The following ZNF429 variants were observed in gnomAD, a reference collection of about 807,000 sequenced individuals.
The protein encoded by ZNF429 is zinc finger protein 429.
A neutral mutation model predicts 56.8 loss-of-function variants in ZNF429; 53 were observed. The observed-to-expected ratio is 0.93, with a 90% confidence interval of 0.75 to 1.17. The LOEUF (loss-of-function observed/expected upper bound fraction) is 1.17, where lower values mean the gene tolerates loss of function less well. ZNF429 is among the 50% of genes most tolerant of loss of function. ZNF429 has a pLI of 0.00. For synonymous variants in ZNF429, 278 were observed against 264.7 expected, an observed-to-expected ratio of 1.05 and a Z score of -0.49; for missense variants, 849 against 788.4, an observed-to-expected ratio of 1.08 and a Z score of -0.92.
chr19:21,535,500 TTTC>T, intron 3 of ZNF429, among the ~76,000 whole-genome samples: 22 of 122,606 alleles, frequency 1.8e-4, no homozygotes, highest in African/African-American at 5.2e-4. Flanking sequence ...TTCTTTCTTC[TTTC>T]TTTCTTTCTT....
intron 3 of ZNF429, among the ~76,000 whole-genome samples, chr19:21,531,197 T>G: frequency 1.3e-5 from 2 of 151,276 alleles, no homozygotes; most frequent in Admixed American, 1.3e-4. Context: ...ATATTCATTC[T>G]GTTGAAAAAT....
At chr19:21,527,512 G>T (rs62108331) in intron 1 of ZNF429, among the ~76,000 whole-genome samples, 24,739 of 152,040 alleles carry the variant, frequency 0.16, 2,102 homozygotes, top group Middle Eastern at 0.2. Context: ...GCACTAAAGG[G>T]TGGTTACAGG....
intron 1 of ZNF429, among the ~76,000 whole-genome samples, chr19:21,514,597 A>T (rs543756589): frequency 1.2e-4 from 18 of 151,298 alleles, no homozygotes; most frequent in African/African-American, 2.7e-4. Context: ...ACATATATAT[A>T]TTTTTTTATT....
At chr19:21,516,722 T>G (rs1047200581) in intron 1 of ZNF429, among the ~76,000 whole-genome samples, 4 of 152,176 alleles carry the variant, frequency 2.6e-5, no homozygotes, top group Non-Finnish European at 5.9e-5. Flanking sequence ...TGGAATTATG[T>G]TTTTGATTTG....
intron 1 of ZNF429, among the ~76,000 whole-genome samples, chr19:21,523,749 C>T (rs2033068553): frequency 6.6e-6 from 1 of 152,236 alleles, no homozygotes; most frequent in Non-Finnish European, 1.5e-5. Context: ...AATCCTCAAG[C>T]TTGGCCCAAA....
chr19:21,533,253 T>A, intron 3 of ZNF429, among the ~76,000 whole-genome samples: 3 of 151,800 alleles, frequency 2.0e-5, no homozygotes, highest in Non-Finnish European at 4.4e-5. Flanking sequence ...GTGCGTCTTT[T>A]TTGATGAAAA....
rs375006535 is a variant in ZNF429, at chr19:21,515,376, A to G, written c.3+9602A>G. 8.6e-5 allele frequency among the ~76,000 whole-genome samples: 13 copies of G among 151,968 alleles called. No homozygotes were observed. The East Asian group carries it at 1.6e-3, about 18-fold the overall frequency. ...AATACTCATCAAATGCTTGTTAGCCACATGTATATCTTCTTTAGAATGGCA... is the reference window on the plus strand; with the variant it reads ...AATACTCATCAAATGCTTGTTAGCCGCATGTATATCTTCTTTAGAATGGCA... On this transcript the variant is annotated intron_variant, in intron 1 of 3. Coordinates refer to ENST00000358491, the MANE Select transcript of ZNF429 (RefSeq NM_001001415.4).
chr19:21,533,148 T>C, intron 3 of ZNF429, among the ~76,000 whole-genome samples: 1 of 151,330 alleles, frequency 6.6e-6, no homozygotes. Flanking sequence ...TTTCCATTCT[T>C]AATGGATGTG....
At chr19:21,509,980 C>T (rs1045584944) in intron 1 of ZNF429, among the ~76,000 whole-genome samples, 2 of 151,586 alleles carry the variant, frequency 1.3e-5, no homozygotes, top group Non-Finnish European at 2.9e-5. Flanking sequence ...ACGATCTCTG[C>T]TTACTGCAAC....
chr19:21,515,571 T>G (rs2032700745), intron 1 of ZNF429, among the ~76,000 whole-genome samples: 2 of 151,974 alleles, frequency 1.3e-5, no homozygotes, highest in Admixed American at 6.6e-5. Context: ...GTGTGTGGTG[T>G]TTTTTGTTTT....
chr19:21,506,653 T>TA (rs968937221), intron 1 of ZNF429, among the ~76,000 whole-genome samples: 69 of 151,772 alleles, frequency 4.5e-4, no homozygotes, highest in African/African-American at 1.5e-3. Flanking sequence ...ATCTTCAGCT[T>TA]ACAAAATTTC....
At chr19:21,535,418 T>TC in intron 3 of ZNF429, among the ~76,000 whole-genome samples, 196 of 3,656 alleles carry the variant, frequency 0.054, 47 homozygotes, top group African/African-American at 0.21. Flanking sequence ...TTTCTTTTCT[T>TC]TCTTTCTTTC....
chr19:21,525,958 A>G (rs1223116083), intron 1 of ZNF429, among the ~76,000 whole-genome samples: 3 of 152,232 alleles, frequency 2.0e-5, no homozygotes, highest in Admixed American at 2.0e-4. Context: ...ATGAAATCAC[A>G]CAGTATGTTA....
rs537821409 is a variant in ZNF429, at chr19:21,536,520, C to A, written c.467C>A (p.Ala156Glu). ...GATATATATGTAAAAGTCTTTTATG[C>A]ATTTTCAAATGCAGATAGATACAAG... ...HCDIYVKVFY[A>E]FSNADRYKTR... is the part of the protein sequence containing the mutation. Residue 156 changes from alanine to glutamate, a missense_variant, in exon 4 of 4, where the codon GCA becomes GAA. Transcript: ENST00000358491. 4 of 1,612,398 alleles carry A rather than the reference C, an allele frequency of 2.5e-6. No individual in the cohort carries two copies. Among genetic ancestry groups the A allele is most frequent in the African/African-American group, 2.7e-5 (2 of 74,932 alleles).
At chr19:21,520,510 T>C (rs1207479137) in intron 1 of ZNF429, among the ~76,000 whole-genome samples, 1 of 152,190 alleles carries the variant, frequency 6.6e-6, no homozygotes, top group Non-Finnish European at 1.5e-5. Flanking sequence ...TTTTTTTGAC[T>C]CAAGGTTGTC....
intron 1 of ZNF429, chr19:21,507,535 G>A (rs1391437946): frequency 6.6e-6 from 1 of 152,192 alleles, no homozygotes; most frequent in East Asian, 1.9e-4. Context: ...GAGATTTTAT[G>A]AGAATGTTTT....
Position 21,537,163 on chromosome 19 carries a change from A to C in ZNF429, c.1110A>C (p.Lys370Asn), listed in dbSNP as rs753031122. ...KVIHTGEKPY[K>N]CEECGKAFNQ... is the part of the protein sequence containing the mutation. The stretch of plus-strand genomic sequence containing the variant: ...TTCATACTGGAGAGAAGCCCTACAA[A>C]TGTGAAGAATGTGGCAAAGCTTTTA... Residue 370 changes from lysine to asparagine, a missense_variant, in exon 4 of 4, where the codon AAA (lysine) becomes AAC (asparagine). Physicochemically the swap from Lys to Asn is moderately conservative, Grantham distance 94. Transcript: ENST00000358491. 1 of 1,613,920 alleles carries C rather than the reference A, an allele frequency of 6.2e-7. No individual in the cohort carries two copies. The highest frequency in any genetic ancestry group is 8.5e-7 in the Non-Finnish European group (1 of 1,179,976).
chr19:21,531,692 C>T, intron 3 of ZNF429, among the ~76,000 whole-genome samples: 1 of 151,794 alleles, frequency 6.6e-6, no homozygotes, highest in Non-Finnish European at 1.5e-5. Flanking sequence ...GTAATCCTAG[C>T]TACTTGGGAG....
chr19:21,537,561 A>G lies in ZNF429; in HGVS notation c.1508A>G (p.His503Arg), dbSNP rs749367373. The change falls in exon 4 of 4, where the codon CAT (histidine) becomes CGT (arginine). Residue 503 changes from histidine (H) to arginine (R), a missense_variant. Transcript: ENST00000358491. The stretch of plus-strand genomic sequence containing the variant: ...AACCTTAACAGTCATAAAAAAATTC[A>G]TAGTGGAGAGAAACCCTACAAATGT... Reference protein sequence around the residue: ...SSNLNSHKKIHSGEKPYKCEE... With the variant: ...SSNLNSHKKIRSGEKPYKCEE... 23 of 1,613,576 alleles carry G rather than the reference A, an allele frequency of 1.4e-5. 1 individual carries two copies. Among genetic ancestry groups the G allele is most frequent in the Non-Finnish European group, 1.6e-5 (19 of 1,179,986 alleles).
Sources: gnomAD v4.1 joint callset for allele counts (sites outside exome capture counted in the v4.1 genomes callset) on GRCh38, gnomAD v4.1.1 for gene constraint, MANE v1.5 for transcripts, NCBI Gene and HGNC (gene_info 2026-07-23, HGNC 2026-07-21) for gene names.